Variants in CGNL1 observed in about 807,000 individuals in gnomAD.
CGNL1 encodes the protein cingulin-like protein 1.
CGNL1 carries 132 observed loss-of-function variants against 141.2 expected under a neutral mutation model. The ratio of observed to expected loss-of-function variants is 0.93; its 90% confidence interval spans 0.81 to 1.08. The LOEUF (loss-of-function observed/expected upper bound fraction) is 1.08. CGNL1 is among the 50% of genes least tolerant of loss of function. The pLI, the probability that CGNL1 is intolerant of heterozygous loss-of-function variation, is 0.00. For synonymous variants in CGNL1, 690 were observed against 622.1 expected (o/e 1.11, Z -1.63); for missense variants, 1,870 against 1,588.6 (o/e 1.18, Z -3.01).
intron 1 of CGNL1, among the ~76,000 whole-genome samples, chr15:57,433,460 T>C (rs1943768638): frequency 6.6e-6 from 1 of 152,244 alleles, no homozygotes; most frequent in South Asian, 2.1e-4. Flanking sequence ...CCTGCAATGA[T>C]GCAGGGGTGA....
At chr15:57,490,051 T>C (rs10518922) in intron 8 of CGNL1, among the ~76,000 whole-genome samples, 35,410 of 152,042 alleles carry the variant, frequency 0.23, 4,501 homozygotes, top group Non-Finnish European at 0.29. Context: ...AGAGATTTCG[T>C]GACAGACACA....
intron 3 of CGNL1, among the ~76,000 whole-genome samples, chr15:57,441,576 C>G (rs1695912827): frequency 6.6e-6 from 1 of 152,072 alleles, no homozygotes. Flanking sequence ...ATCATATTGG[C>G]AAGGATAATC....
intron 7 of CGNL1, among the ~76,000 whole-genome samples, chr15:57,457,350 G>A (rs1354835098): frequency 6.6e-6 from 1 of 152,190 alleles, no homozygotes; most frequent in African/African-American, 2.4e-5. Context: ...TGCTGCTGCT[G>A]CAGAACAGCT....
chr15:57,543,226 T>TGCCC (rs201302973), intron 14 of CGNL1, among the ~76,000 whole-genome samples: 1 of 151,838 alleles, frequency 6.6e-6, no homozygotes, highest in Non-Finnish European at 1.5e-5. Context: ...CCATCTCCAC[T>TGCCC]TCCCTGTGTC....
At chr15:57,467,738 G>A (rs1400846153) in intron 8 of CGNL1, among the ~76,000 whole-genome samples, 1 of 137,288 alleles carries the variant, frequency 7.3e-6, no homozygotes, top group African/African-American at 2.7e-5. Flanking sequence ...TGCCCAGGCT[G>A]GAGTGCAATG....
intron 8 of CGNL1, among the ~76,000 whole-genome samples, chr15:57,502,462 C>T: frequency 6.6e-6 from 1 of 152,164 alleles, no homozygotes; most frequent in East Asian, 1.9e-4. Context: ...GGGTTTCAAC[C>T]TGAGAAAGTT....
chr15:57,425,500 T>C (rs2062962603), intron 1 of CGNL1, among the ~76,000 whole-genome samples: 1 of 152,238 alleles, frequency 6.6e-6, no homozygotes. Flanking sequence ...CTCAGCACTT[T>C]GGGAGGCCAA....
At chr15:57,427,285 C>T (rs1567109841) in intron 1 of CGNL1, among the ~76,000 whole-genome samples, 2 of 152,116 alleles carry the variant, frequency 1.3e-5, no homozygotes, top group African/African-American at 2.4e-5. Context: ...TATTTTTAAA[C>T]ATTTTGGGTG....
intron 8 of CGNL1, among the ~76,000 whole-genome samples, chr15:57,475,909 C>G (rs879931111): frequency 2.0e-5 from 3 of 152,166 alleles, no homozygotes; most frequent in African/African-American, 4.8e-5. Flanking sequence ...ATGACATCTC[C>G]TTCTTGGGTC....
intron 8 of CGNL1, among the ~76,000 whole-genome samples, chr15:57,507,023 G>A (rs113358121): frequency 1.1e-3 from 174 of 152,214 alleles, no homozygotes; most frequent in African/African-American, 3.7e-3. Flanking sequence ...AGCCACCATC[G>A]CTATCTAATT....
At chr15:57,508,521 T>C (rs1343211092) in intron 8 of CGNL1, among the ~76,000 whole-genome samples, 2 of 152,244 alleles carry the variant, frequency 1.3e-5, no homozygotes, top group Admixed American at 6.5e-5. Flanking sequence ...TTACTGATTA[T>C]ACCTTCTTTA....
At chr15:57,503,153 A>T (rs1453885102) in intron 8 of CGNL1, among the ~76,000 whole-genome samples, 2 of 152,166 alleles carry the variant, frequency 1.3e-5, no homozygotes. Flanking sequence ...TTAATTGTCA[A>T]AGCCAGGGCC....
chr15:57,416,161 C>G (rs1264347267), intron 1 of CGNL1, among the ~76,000 whole-genome samples: 2 of 151,658 alleles, frequency 1.3e-5, no homozygotes, highest in African/African-American at 4.8e-5. Flanking sequence ...TGTGGTAGCC[C>G]CTTGAAGCAG....
At chr15:57,397,739 T>C (rs554917777) in intron 1 of CGNL1, among the ~76,000 whole-genome samples, 5 of 152,098 alleles carry the variant, frequency 3.3e-5, no homozygotes, top group Non-Finnish European at 7.3e-5. Flanking sequence ...TACTATTTTA[T>C]TATTGTAGAA....
rs188044060 is a variant in CGNL1 at position 57,517,198 on chromosome 15, G to A, written c.2610+212G>A. Among the ~76,000 whole-genome samples, 402 of 152,304 alleles carry A rather than the reference G, an allele frequency of 2.6e-3. 3 individuals carry two copies. Among genetic ancestry groups the A allele is most frequent in the African/African-American group, 8.5e-3 (355 of 41,558 alleles). Reference sequence around the variant, plus strand: ...GGGAACAGGGACGGTGAGGTCAGGCGGGAACACAGGTCTAGGCACAGGAAT... The same window carrying A: ...GGGAACAGGGACGGTGAGGTCAGGCAGGAACACAGGTCTAGGCACAGGAAT... On this transcript the variant is annotated intron_variant, in intron 9 of 18. Coordinates refer to ENST00000281282, the MANE Select transcript of CGNL1 (RefSeq NM_032866.5).
chr15:57,528,341 A>G (rs1193459192), intron 12 of CGNL1, among the ~76,000 whole-genome samples: 1 of 152,174 alleles, frequency 6.6e-6, no homozygotes, highest in African/African-American at 2.4e-5. Flanking sequence ...AGCACAAAAG[A>G]TTTGCAAATC....
Position 57,545,712 on chromosome 15 carries a change from C to A in CGNL1, c.3609+12C>A. 1.2e-6 allele frequency: 2 copies of A among 1,600,328 alleles called. No individual in the cohort carries two copies. The highest frequency in any genetic ancestry group is 1.1e-5 in the South Asian group (1 of 89,426). On this transcript the variant is annotated intron_variant, in intron 17 of 18. Coordinates refer to ENST00000281282, the MANE Select transcript of CGNL1 (RefSeq NM_032866.5). The stretch of plus-strand genomic sequence containing the variant: ...ATCAGAAGGACCAGGTGGGGAGCCT[C>A]TGCGTGCATTTGCTCTTAGATGAGA...
rs1007609711 is a variant in CGNL1 at position 57,545,585 on chromosome 15, C to T, written c.3501-7C>T. ...GAGGGTTCTTGGTTCTGTCTCCCCT[C>T]TTCCAGGGATCGGGCCAATCTTCAG... On this transcript the variant is annotated splice_region_variant and splice_polypyrimidine_tract_variant and intron_variant, in intron 16 of 18. Transcript: ENST00000281282. The T allele has an allele frequency of 6.2e-7, 1 of 1,611,214 alleles. No individual in the cohort carries two copies.
chr15:57,463,121 A>C lies in CGNL1; in HGVS notation c.2403+1229A>C, dbSNP rs28578567. ...AAATCTTGCCTCAAAACTTGACTTA[A>C]TGTGGTGTATTCTGGGTGGCTCCTT... On this transcript the variant is annotated intron_variant, in intron 8 of 18. Coordinates refer to ENST00000281282, the MANE Select transcript of CGNL1 (RefSeq NM_032866.5). Among the ~76,000 whole-genome samples the C allele has an allele frequency of 1.8e-3, 268 of 152,248 alleles. 2 individuals are homozygous for C. Among genetic ancestry groups the C allele is most frequent in the African/African-American group, 6.2e-3 (258 of 41,528 alleles).
Sources: allele counts gnomAD v4.1 joint callset (sites outside exome capture counted in the v4.1 genomes callset), GRCh38; gene constraint gnomAD v4.1.1; transcripts MANE v1.5; gene names NCBI Gene and HGNC (gene_info 2026-07-23, HGNC 2026-07-21).